Variants in MARCHF8 observed in about 807,000 individuals in gnomAD.
The protein encoded by MARCHF8 is E3 ubiquitin-protein ligase MARCHF8.
In MARCHF8, 40 loss-of-function variants were observed where a neutral mutation model predicts 51.6. The ratio of observed to expected loss-of-function variants is 0.77; its 90% CI spans 0.60 to 1.01. The LOEUF (loss-of-function observed/expected upper bound fraction) is 1.01. Ranked by LOEUF, MARCHF8 falls within the 50% of genes least tolerant of loss-of-function variation. MARCHF8 has a pLI of 0.00. For synonymous variants in MARCHF8, 263 were observed against 280.3 expected, an observed-to-expected ratio of 0.94 and a Z score of 0.62; for missense variants, 685 against 708.6, an observed-to-expected ratio of 0.97 and a Z score of 0.38.
chr10:45,511,470 C>A (rs2133196099), intron 2 of MARCHF8, among the ~76,000 whole-genome samples: 1 of 152,332 alleles, frequency 6.6e-6, no homozygotes, highest in African/African-American at 2.4e-5. Context: ...CGAAGCTGGA[C>A]TGTACTGCTG....
intron 2 of MARCHF8, among the ~76,000 whole-genome samples, chr10:45,496,160 A>G (rs2043171548): frequency 6.6e-6 from 1 of 152,222 alleles, no homozygotes; most frequent in African/African-American, 2.4e-5. Flanking sequence ...TGCACCTGAA[A>G]AGAAATACTA....
At chr10:45,506,101 T>C (rs1165718550) in intron 2 of MARCHF8, among the ~76,000 whole-genome samples, 1 of 145,682 alleles carries the variant, frequency 6.9e-6, no homozygotes, top group Non-Finnish European at 1.6e-5. Context: ...TAATATATTC[T>C]GATTTACTCA....
At chr10:45,521,539 C>G (rs1408657349) in intron 2 of MARCHF8, among the ~76,000 whole-genome samples, 1 of 152,126 alleles carries the variant, frequency 6.6e-6, no homozygotes, top group Non-Finnish European at 1.5e-5. Flanking sequence ...TGCTTCTGCT[C>G]CTTTTGGAAA....
rs55832920 is a variant in MARCHF8 at position 45,469,864 on chromosome 10, CAAAAAAAAAAAAAAAAA to C, written c.154-5554_154-5538del. On this transcript the variant is annotated intron_variant, in intron 3 of 7. Coordinates refer to ENST00000453424, the MANE Select transcript of MARCHF8 (RefSeq NM_001282866.2). ...TGGGCGACAGAGTGAGACTCCGTCT[CAAAAAAAAAAAAAAAAA>C]AAAAAAAAAAAAGCTACTTCTTACT... is the stretch of plus-strand genomic sequence containing the variant. Among the ~76,000 whole-genome samples the C allele has an allele frequency of 7.0e-5, 4 of 57,028 alleles. 1 individual carries two copies. The highest frequency in any genetic ancestry group is 6.9e-4 in the East Asian group (1 of 1,450). 37.4% of individuals were successfully genotyped at this position (57,028 alleles called of 152,430 possible). A position where few individuals can be genotyped will look rare whatever the true frequency, so the allele number is the denominator to read the frequency against.
chr10:45,481,329 G>A (rs539234456), intron 3 of MARCHF8, among the ~76,000 whole-genome samples: 20 of 152,330 alleles, frequency 1.3e-4, no homozygotes, highest in South Asian at 4.1e-4. Flanking sequence ...GCTGAAATGC[G>A]TTAAGACTTT....
At chr10:45,513,278 C>T (rs2043563947) in intron 2 of MARCHF8, among the ~76,000 whole-genome samples, 1 of 151,982 alleles carries the variant, frequency 6.6e-6, no homozygotes, top group African/African-American at 2.4e-5. Context: ...TAACTGCTTC[C>T]TACAGTGCTA....
chr10:45,475,867 G>A (rs1338057503), intron 3 of MARCHF8, among the ~76,000 whole-genome samples: 1 of 152,106 alleles, frequency 6.6e-6, no homozygotes, highest in Non-Finnish European at 1.5e-5. Flanking sequence ...CTGGGACCAA[G>A]GACAGGCCAA....
At chr10:45,533,534 A>T (rs1052298405) in intron 1 of MARCHF8, among the ~76,000 whole-genome samples, 16 of 152,176 alleles carry the variant, frequency 1.1e-4, no homozygotes, top group Non-Finnish European at 5.9e-5. Context: ...TCAGAGATAT[A>T]ATCTTCCATT....
chr10:45,461,721 TG>T, intron 5 of MARCHF8: 1 of 210,782 alleles, frequency 4.7e-6, no homozygotes, highest in Non-Finnish European at 9.4e-6. Flanking sequence ...TAAAGCAACA[TG>T]GAATCATTTT....
chr10:45,575,185 A>AG (rs1343751182), intron 1 of MARCHF8, among the ~76,000 whole-genome samples: 1 of 152,198 alleles, frequency 6.6e-6, no homozygotes, highest in Non-Finnish European at 1.5e-5. Context: ...CCCATCGCCC[A>AG]GGACAATGCT....
chr10:45,470,866 C>G (rs1039951606), intron 3 of MARCHF8, among the ~76,000 whole-genome samples: 1 of 152,216 alleles, frequency 6.6e-6, no homozygotes, highest in Non-Finnish European at 1.5e-5. Flanking sequence ...ACAGAAGTTA[C>G]TCTGTCAAAC....
intron 2 of MARCHF8, among the ~76,000 whole-genome samples, chr10:45,508,530 C>T (rs1177724578): frequency 6.6e-6 from 1 of 152,102 alleles, no homozygotes; most frequent in East Asian, 1.9e-4. Context: ...AACTTGGTTA[C>T]AACTTCACTT....
chr10:45,552,961 A>T (rs1028778035), intron 1 of MARCHF8, among the ~76,000 whole-genome samples: 3 of 152,246 alleles, frequency 2.0e-5, no homozygotes, highest in Non-Finnish European at 2.9e-5. Flanking sequence ...TATTTCTATA[A>T]AACCTATGTT....
rs560139758 is a variant in MARCHF8 at position 45,583,221 on chromosome 10, G to A, written c.-79+11014C>T. On this transcript the variant is annotated intron_variant, in intron 1 of 6. Transcript: ENST00000319836. ...TAAGATACAGAAAAATAAGGGATCG[G>A]TAATAGATAATGTTGTAGGCAAGTG... Among the ~76,000 whole-genome samples the A allele has an allele frequency of 1.2e-4, 19 of 152,236 alleles. No homozygotes were observed. The South Asian group carries it at 3.9e-3, about 32-fold the overall frequency.
chr10:45,461,341 A>C lies in MARCHF8; in HGVS notation c.1159T>G (p.Phe387Val). The C allele has an allele frequency of 6.2e-7, 1 of 1,608,018 alleles. No homozygotes were observed. Among genetic ancestry groups the C allele is most frequent in the Non-Finnish European group, 8.5e-7 (1 of 1,177,598 alleles). The change falls in exon 6 of 8, where the codon TTC (phenylalanine) becomes GTC (valine). Residue 387 changes from phenylalanine (F) to valine (V), a missense_variant. By Grantham distance (50) the Phe-to-Val change is conservative (BLOSUM62 -1). Coordinates refer to ENST00000453424, the MANE Select transcript of MARCHF8 (RefSeq NM_001282866.2). Reference sequence around the variant, plus strand: ...TGCTGCAGGCAGGCCTGGTGCACGAAGTGGAGGCTTCCTGTGCAGTGGCAG... The same window carrying C: ...TGCTGCAGGCAGGCCTGGTGCACGACGTGGAGGCTTCCTGTGCAGTGGCAG... ...TPCHCTGSLH[F>V]VHQACLQQWI... is the part of the protein sequence containing the mutation.
intron 1 of MARCHF8, among the ~76,000 whole-genome samples, chr10:45,592,704 G>C (rs2044694989): frequency 2.0e-5 from 3 of 152,114 alleles, no homozygotes; most frequent in African/African-American, 7.2e-5. Flanking sequence ...AACCATTAGG[G>C]TTTCTTGGCT....
intron 1 of MARCHF8, among the ~76,000 whole-genome samples, chr10:45,540,582 C>T (rs2044038819): frequency 6.6e-6 from 1 of 152,152 alleles, no homozygotes; most frequent in Non-Finnish European, 1.5e-5. Flanking sequence ...TCTAATTAAA[C>T]TAAAGAGCTT....
intron 2 of MARCHF8, among the ~76,000 whole-genome samples, chr10:45,513,130 T>G (rs1301927805): frequency 1.3e-5 from 2 of 151,348 alleles, no homozygotes; most frequent in Non-Finnish European, 3.0e-5. Flanking sequence ...CAGAGACCTT[T>G]GTTCACTTGT....
chr10:45,566,750 T>C (rs2044369208), intron 1 of MARCHF8, among the ~76,000 whole-genome samples: 1 of 147,832 alleles, frequency 6.8e-6, no homozygotes, highest in African/African-American at 2.5e-5. Flanking sequence ...AGGTATCTCT[T>C]TGATATATTG....
Sources: allele counts gnomAD v4.1 joint callset (sites outside exome capture counted in the v4.1 genomes callset), GRCh38; gene constraint gnomAD v4.1.1; transcripts MANE v1.5; gene names NCBI Gene and HGNC (gene_info 2026-07-23, HGNC 2026-07-21).